B3GALT5: variants seen among roughly 807,000 people sequenced by gnomAD.
The protein encoded by B3GALT5 is beta-1,3-galactosyltransferase 5, also known as UDP-Gal:betaGlcNAc beta 1,3-galactosyltransferase, polypeptide 5.
For missense variants in B3GALT5, 328 were observed against 396.6 expected (o/e 0.83, Z 1.47); for synonymous variants, 156 against 158.6 (o/e 0.98, Z 0.12).
At chr21:39,613,573 A>G (rs980539509) in intron 1 of B3GALT5, among the ~76,000 whole-genome samples, 10 of 152,250 alleles carry the variant, frequency 6.6e-5, no homozygotes, top group African/African-American at 2.4e-4. Context: ...TGGGAGGACC[A>G]GAAGGGAGTC....
intron 2 of B3GALT5, among the ~76,000 whole-genome samples, chr21:39,655,763 C>T (rs2079436906): frequency 1.3e-5 from 2 of 152,182 alleles, no homozygotes; most frequent in Non-Finnish European, 2.9e-5. Context: ...AAAGGCCCAG[C>T]CAGGCTGGCG....
At position 39,665,060 on chromosome 21, in the gene B3GALT5, A is replaced by G. The variant is rs2079567003; in HGVS notation, c.*3568A>G. On this transcript the variant is annotated 3_prime_UTR_variant, in exon 4 of 4. Coordinates refer to ENST00000684187, the MANE Select transcript of B3GALT5 (RefSeq NM_001356336.2). Reference sequence around the variant, plus strand: ...CAATCCACTGCCTACCTGATTTCCCATAGTGAACAATCCAACACTGACCTT... The same window carrying G: ...CAATCCACTGCCTACCTGATTTCCCGTAGTGAACAATCCAACACTGACCTT... 1 of 152,190 alleles carries G rather than the reference A, an allele frequency of 6.6e-6. No homozygotes were observed. Among genetic ancestry groups the G allele is most frequent in the South Asian group, 2.1e-4 (1 of 4,818 alleles). 9.4% of individuals were successfully genotyped at this position (152,190 alleles called of 1,614,324 possible).
At chr21:39,644,608 G>A (rs770435899) in intron 1 of B3GALT5, among the ~76,000 whole-genome samples, 2 of 152,162 alleles carry the variant, frequency 1.3e-5, no homozygotes, top group Admixed American at 6.5e-5. Context: ...TCTGACCTTC[G>A]AAACGATGGC....
intron 1 of B3GALT5, among the ~76,000 whole-genome samples, chr21:39,633,803 G>C (rs568582211): frequency 6.6e-6 from 1 of 152,266 alleles, no homozygotes; most frequent in South Asian, 2.1e-4. Context: ...TATATATTTG[G>C]TTTATTTTGC....
rs1226428591 is a variant in B3GALT5, at chr21:39,662,687, C to G, written c.*1195C>G. ...CCTCCTACCCAGAGGTTTGTGCGAGCCTGTGTTGCAGGGTTGTATAAAACC... is the reference window on the plus strand; with the variant it reads ...CCTCCTACCCAGAGGTTTGTGCGAGGCTGTGTTGCAGGGTTGTATAAAACC... On this transcript the variant is annotated 3_prime_UTR_variant, in exon 4 of 4. Transcript: ENST00000684187. 4.8e-5 allele frequency: 8 copies of G among 167,580 alleles called. No individual in the cohort carries two copies. The highest frequency in any genetic ancestry group is 2.6e-4 in the Admixed American group (4 of 15,284). 10.4% of individuals were successfully genotyped at this position (167,580 alleles called of 1,614,324 possible). A position where few individuals can be genotyped will look rare whatever the true frequency, so the allele number is the denominator to read the frequency against.
intron 2 of B3GALT5, among the ~76,000 whole-genome samples, chr21:39,651,020 G>A (rs770371479): frequency 5.3e-5 from 8 of 151,742 alleles, no homozygotes; most frequent in Admixed American, 1.3e-4. Flanking sequence ...TGAGGTCACC[G>A]TGATGTCTTC....
Position 39,672,896 on chromosome 21 carries a change from T to A in B3GALT5, c.*11404T>A, listed in dbSNP as rs2146238002. 6.6e-6 allele frequency: 1 copy of A among 152,294 alleles called. No individual in the cohort carries two copies. The highest frequency in any genetic ancestry group is 2.4e-5 in the African/African-American group (1 of 41,546). The allele number at this position is 152,294 out of a possible 1,614,324, so 9.4% of individuals were successfully genotyped here. A position where few individuals can be genotyped will look rare whatever the true frequency, so the allele number is the denominator to read the frequency against. The stretch of plus-strand genomic sequence containing the variant: ...AGAGTCTTAATGGGGTGGGGCAGTG[T>A]CCATTGAGGTGTCCTGTCGGGAATG... On this transcript the variant is annotated 3_prime_UTR_variant, in exon 4 of 4. Transcript: ENST00000684187.
At chr21:39,632,920 C>A (rs2079201733) in intron 1 of B3GALT5, among the ~76,000 whole-genome samples, 1 of 152,154 alleles carries the variant, frequency 6.6e-6, no homozygotes, top group South Asian at 2.1e-4. Flanking sequence ...TTCAACAAAC[C>A]TTTGTGTATC....
At position 39,669,629 on chromosome 21, in the gene B3GALT5, T is replaced by G. The variant is rs988621721; in HGVS notation, c.*8137T>G. 1 of 152,152 alleles carries G rather than the reference T, an allele frequency of 6.6e-6. No homozygotes were observed. Among genetic ancestry groups the G allele is most frequent in the Admixed American group, 6.5e-5 (1 of 15,272 alleles). The allele number at this position is 152,152 out of a possible 1,614,324, so 9.4% of individuals were successfully genotyped here. On this transcript the variant is annotated 3_prime_UTR_variant, in exon 4 of 4. Coordinates refer to ENST00000684187, the MANE Select transcript of B3GALT5 (RefSeq NM_001356336.2). ...ATCGTAAGCCATGTCCATCCATACC[T>G]GCTGTTTCACTGAAACCCCACAGCA... is the stretch of plus-strand genomic sequence containing the variant.
At chr21:39,635,066 A>G (rs568469010) in intron 1 of B3GALT5, among the ~76,000 whole-genome samples, 3 of 152,340 alleles carry the variant, frequency 2.0e-5, no homozygotes, top group African/African-American at 7.2e-5. Context: ...GCCCCCGCAA[A>G]GCCCACCATC....
At chr21:39,634,222 G>A (rs1483030242) in intron 1 of B3GALT5, among the ~76,000 whole-genome samples, 2 of 152,176 alleles carry the variant, frequency 1.3e-5, no homozygotes, top group Non-Finnish European at 2.9e-5. Flanking sequence ...ATTACACTCA[G>A]TTCCTTCCCC....
At chr21:39,624,482 T>C (rs2079153512) in intron 1 of B3GALT5, among the ~76,000 whole-genome samples, 1 of 152,224 alleles carries the variant, frequency 6.6e-6, no homozygotes, top group South Asian at 2.1e-4. Flanking sequence ...GGGTGTTCAA[T>C]GGCTTGGTTT....
Position 39,661,453 on chromosome 21 carries a change from T to A in B3GALT5, c.894T>A (p.Ala298=), listed in dbSNP as rs746639840. 3.3e-6 allele frequency: 5 copies of A among 1,515,946 alleles called. No individual in the cohort carries two copies. Among genetic ancestry groups the A allele is most frequent in the Non-Finnish European group, 3.5e-6 (4 of 1,133,690 alleles). 93.9% of individuals were successfully genotyped at this position (1,515,946 alleles called of 1,614,324 possible). ...GGACTCTCTTGGACTACTGGCAGGC[T>A]CTAGAGAATTCCCGGGGGGAAGATT... is the stretch of plus-strand genomic sequence containing the variant. ...KPRTLLDYWQ[A]LENSRGEDCP... The change falls in exon 4 of 4, where the codon GCT becomes GCA. Residue 298 remains alanine (A), a synonymous_variant. Transcript: ENST00000684187. This position sits in a 1 kb window ranked among gnomAD's most constrained non-coding sequence, Gnocchi z 4.7.
At chr21:39,620,438 G>C (rs1049946375) in intron 1 of B3GALT5, among the ~76,000 whole-genome samples, 1 of 152,152 alleles carries the variant, frequency 6.6e-6, no homozygotes, top group African/African-American at 2.4e-5. Context: ...TATTGGTTCT[G>C]ATAGTTTACA....
chr21:39,638,783 C>T (rs758459600), intron 1 of B3GALT5, among the ~76,000 whole-genome samples: 3 of 152,110 alleles, frequency 2.0e-5, no homozygotes, highest in South Asian at 2.1e-4. Flanking sequence ...ACAGCCTGCC[C>T]GTCTTTATGC....
At position 39,671,734 on chromosome 21, in the gene B3GALT5, C is replaced by T. The variant is rs2079630106; in HGVS notation, c.*10242C>T. ...CTGGGATATGAAAGGTGCTTACATT[C>T]TCTGTTGGGAATGTAGAGAGAAGGA... On this transcript the variant is annotated 3_prime_UTR_variant, in exon 4 of 4. Coordinates refer to ENST00000684187, the MANE Select transcript of B3GALT5 (RefSeq NM_001356336.2). 6.6e-6 allele frequency: 1 copy of T among 152,144 alleles called. No homozygotes were observed. The highest frequency in any genetic ancestry group is 1.5e-5 in the Non-Finnish European group (1 of 68,024). The allele number at this position is 152,144 out of a possible 1,614,324, so 9.4% of individuals were successfully genotyped here.
chr21:39,649,175 A>C (rs751250031), intron 2 of B3GALT5, among the ~76,000 whole-genome samples: 8 of 152,116 alleles, frequency 5.3e-5, no homozygotes, highest in Non-Finnish European at 1.2e-4. Context: ...TGTATTGATG[A>C]ATGGGACAGA....
intron 1 of B3GALT5, among the ~76,000 whole-genome samples, chr21:39,615,964 A>G (rs1347784089): frequency 1.3e-5 from 2 of 152,252 alleles, no homozygotes; most frequent in Non-Finnish European, 2.9e-5. Context: ...AAATAACATG[A>G]TTTGAAAAGT....
intron 2 of B3GALT5, among the ~76,000 whole-genome samples, chr21:39,649,616 G>A (rs1421200310): frequency 6.6e-6 from 1 of 152,012 alleles, no homozygotes; most frequent in East Asian, 1.9e-4. Context: ...GAAACAGGGT[G>A]GAAGGCTCAG....
Sources: allele counts gnomAD v4.1 joint callset (sites outside exome capture counted in the v4.1 genomes callset), GRCh38; gene constraint gnomAD v4.1.1; non-coding constraint Gnocchi (gnomAD v3.1); transcripts MANE v1.5; gene names NCBI Gene and HGNC (gene_info 2026-07-23, HGNC 2026-07-21).